Variants in TYW1B observed in about 807,000 individuals in gnomAD.
TYW1B encodes S-adenosyl-L-methionine-dependent tRNA 4-demethylwyosine synthase TYW1B.
In TYW1B, 73 loss-of-function variants were observed where a neutral mutation model predicts 86.9. The ratio of observed to expected loss-of-function variants is 0.84; its 90% CI spans 0.70 to 1.02. The LOEUF is 1.02. TYW1B is among the 50% of genes least tolerant of loss of function. The probability of loss-of-function intolerance (pLI) is 0.00; values close to 1 mark genes in which losing one functional copy is unlikely to be tolerated. For synonymous variants in TYW1B, 248 were observed against 292.8 expected, an observed-to-expected ratio of 0.85 and a Z score of 1.56; for missense variants, 637 against 827.4, an observed-to-expected ratio of 0.77 and a Z score of 2.82.
intron 8 of TYW1B, among the ~76,000 whole-genome samples, chr7:72,731,493 A>T (rs189966205): frequency 2.9e-4 from 44 of 152,098 alleles, no homozygotes; most frequent in African/African-American, 9.4e-4. Context: ...CCTTGAATGT[A>T]AATGGATTAA....
chr7:72,727,234 C>T (rs1217426177), intron 9 of TYW1B, among the ~76,000 whole-genome samples: 1 of 152,116 alleles, frequency 6.6e-6, no homozygotes, highest in African/African-American at 2.4e-5. Flanking sequence ...ATGCTAATTA[C>T]TGAGGTTTCT....
intron 7 of TYW1B, among the ~76,000 whole-genome samples, chr7:72,758,842 G>A (rs1344004487): frequency 6.6e-5 from 10 of 152,142 alleles, no homozygotes; most frequent in African/African-American, 2.4e-4. Context: ...CATTCTGTCT[G>A]GGAGGCATGA....
At chr7:72,633,968 T>C (rs1365041363) in intron 11 of TYW1B, among the ~76,000 whole-genome samples, 3 of 152,190 alleles carry the variant, frequency 2.0e-5, no homozygotes, top group Non-Finnish European at 4.4e-5. Context: ...ATTCGATGTT[T>C]GCAAGATTCA....
At chr7:72,756,684 G>A (rs4717064) in intron 7 of TYW1B, among the ~76,000 whole-genome samples, 103,377 of 151,520 alleles carry the variant, frequency 0.68, 36,324 homozygotes, top group Non-Finnish European at 0.77. Flanking sequence ...GGTAGCCTGC[G>A]GTCGCTCAGC....
At chr7:72,581,594 G>A (rs1450738341) in intron 13 of TYW1B, among the ~76,000 whole-genome samples, 3 of 151,988 alleles carry the variant, frequency 2.0e-5, no homozygotes, top group Admixed American at 6.6e-5. Flanking sequence ...GAGTAGCTGG[G>A]ATTACAGGTG....
intron 11 of TYW1B, among the ~76,000 whole-genome samples, chr7:72,664,560 T>G (rs1479494831): frequency 6.6e-6 from 1 of 151,924 alleles, no homozygotes; most frequent in African/African-American, 2.4e-5. Context: ...TGAGAACACA[T>G]GGACACATAG....
chr7:72,626,072 T>C (rs1214217936), intron 12 of TYW1B, among the ~76,000 whole-genome samples: 15 of 151,838 alleles, frequency 9.9e-5, no homozygotes, highest in Admixed American at 3.9e-4. Context: ...CTGATACATA[T>C]ATTTTCAGCT....
At chr7:72,638,944 G>A (rs549434691) in intron 11 of TYW1B, among the ~76,000 whole-genome samples, 2 of 152,274 alleles carry the variant, frequency 1.3e-5, no homozygotes, top group South Asian at 2.1e-4. Flanking sequence ...GATACCAAAA[G>A]GACTCAATCA....
chr7:72,575,677 G>T lies in TYW1B; in HGVS notation c.1828C>A (p.Arg610Ser), dbSNP rs541443405. ...TATTCCTGGATGAGCTCCTGGAAGC[G>T]GTTATAATCGATCCATGTCCACCAT... ...GEWWTWIDYN[R>S]FQELIQEYED... Residue 610 changes from arginine to serine, a missense_variant, in exon 14 of 14, where the codon CGC (arginine) becomes AGC (serine). Arg to Ser is a moderately radical substitution (Grantham distance 110). Transcript: ENST00000620995. The T allele has an allele frequency of 3.7e-6, 6 of 1,612,670 alleles. No individual in the cohort carries two copies. The highest frequency in any genetic ancestry group is 5.1e-6 in the Non-Finnish European group (6 of 1,179,160).
At chr7:72,732,663 G>A (rs1172546072) in intron 8 of TYW1B, among the ~76,000 whole-genome samples, 1 of 151,972 alleles carries the variant, frequency 6.6e-6, no homozygotes, top group Non-Finnish European at 1.5e-5. Flanking sequence ...CAAAAATGTA[G>A]AATGATTTCA....
rs782275280 is a variant in TYW1B at position 72,616,692 on chromosome 7, G to T, written c.1765C>A (p.Leu589Ile). The change falls in exon 13 of 14, where the codon CTC (leucine) becomes ATC (isoleucine). Residue 589 changes from leucine to isoleucine, a missense_variant. Leu to Ile is a conservative substitution (Grantham distance 5, BLOSUM62 2). Coordinates refer to ENST00000620995, the MANE Select transcript of TYW1B (RefSeq NM_001145440.3). The stretch of plus-strand genomic sequence containing the variant: ...CTTACCTTTCTGTGTGCTATCAGGA[G>T]GCAATTAGAGTGTTCGTGTTCACAT... ...IACEHEHSNC[L>I]LIAHRKFKIG... The T allele has an allele frequency of 3.0e-5, 49 of 1,614,034 alleles. No homozygotes were observed. In the East Asian group the frequency reaches 7.6e-4, roughly 25 times the overall value.
At chr7:72,719,530 C>T (rs1401367248) in intron 9 of TYW1B, among the ~76,000 whole-genome samples, 8 of 147,908 alleles carry the variant, frequency 5.4e-5, no homozygotes, top group Non-Finnish European at 1.2e-4. Context: ...ATTCGGGAGG[C>T]TGAGCCAGGA....
chr7:72,813,796 C>A (rs1383777426), intron 3 of TYW1B, among the ~76,000 whole-genome samples: 2 of 152,086 alleles, frequency 1.3e-5, no homozygotes, highest in East Asian at 3.9e-4. Flanking sequence ...AAATAAATCA[C>A]CTGATGTCAG....
At chr7:72,615,474 T>A (rs1313597500) in intron 13 of TYW1B, among the ~76,000 whole-genome samples, 1 of 152,100 alleles carries the variant, frequency 6.6e-6, no homozygotes. Context: ...TCAGAAGAGA[T>A]CTTCTGATCC....
In TYW1B at chr7:72,728,848, T is replaced by C. The variant is rs149581454; in HGVS notation, c.1166A>G (p.His389Arg). Reference protein sequence around the residue: ...EMILKEAIENHQNMIKQFKGV... With the variant: ...EMILKEAIENRQNMIKQFKGV... ...TTTAAACTGCTTAATCATGTTCTGA[T>C]GGTTTTCAATGGCTTCCTTCAAGAT... is the stretch of plus-strand genomic sequence containing the variant. The change falls in exon 9 of 14, where the codon CAT (histidine) becomes CGT (arginine). Residue 389 changes from histidine (H) to arginine (R), a missense_variant. Transcript: ENST00000620995. The C allele has an allele frequency of 3.1e-3, 5,014 of 1,613,840 alleles. 118 individuals carry two copies. In the African/African-American group the frequency reaches 0.048, roughly 15 times the overall value.
At chr7:72,712,387 G>A (rs1786687067) in intron 10 of TYW1B, among the ~76,000 whole-genome samples, 2 of 152,124 alleles carry the variant, frequency 1.3e-5, no homozygotes, top group African/African-American at 4.8e-5. Flanking sequence ...GGAGTGCAAT[G>A]GTGCGATCTC....
At chr7:72,640,042 C>A (rs1812766812) in intron 11 of TYW1B, among the ~76,000 whole-genome samples, 2 of 151,978 alleles carry the variant, frequency 1.3e-5, no homozygotes, top group Non-Finnish European at 2.9e-5. Context: ...ATAAGTCAAG[C>A]ATGCCTGCGT....
intron 9 of TYW1B, among the ~76,000 whole-genome samples, chr7:72,719,727 G>C (rs1450833410): frequency 1.2e-4 from 18 of 151,926 alleles, no homozygotes; most frequent in Non-Finnish European, 2.1e-4. Context: ...AGGAAAAAGA[G>C]GCAGGCTGAC....
At chr7:72,672,980 T>C (rs2844199) in intron 11 of TYW1B, among the ~76,000 whole-genome samples, 8 of 152,038 alleles carry the variant, frequency 5.3e-5, no homozygotes, top group African/African-American at 9.7e-5. Context: ...ACCAGCCTGG[T>C]CAACATAGTG....
Sources: allele counts gnomAD v4.1 joint callset (sites outside exome capture counted in the v4.1 genomes callset), GRCh38; gene constraint gnomAD v4.1.1; transcripts MANE v1.5; gene names NCBI Gene and HGNC (gene_info 2026-07-23, HGNC 2026-07-21).